Variants in TBL1X observed in about 807,000 individuals in gnomAD.
TBL1X encodes the protein F-box-like/WD repeat-containing protein TBL1X.
A neutral mutation model predicts 50.7 loss-of-function variants in TBL1X; 10 were observed. The ratio of observed to expected loss-of-function variants is 0.20; its 90% CI spans 0.12 to 0.33. The LOEUF (loss-of-function observed/expected upper bound fraction) is 0.33. Ranked by LOEUF, TBL1X falls within the 10% of genes least tolerant of loss-of-function variation. TBL1X has a pLI of 1.00. For synonymous variants in TBL1X, 190 were observed against 214.7 expected, an observed-to-expected ratio of 0.88 and a Z score of 1.01; for missense variants, 340 against 504.4, an observed-to-expected ratio of 0.67 and a Z score of 3.12.
chrX:9,705,217 C>G (rs988841621), intron 13 of TBL1X, 103 bp downstream of exon 13: 2 of 1,141,738 alleles, frequency 1.8e-6, no homozygotes, highest in African/African-American at 3.6e-5. Flanking sequence ...AGCAGACCAG[C>G]TCTAATGTGC....
At chrX:9,637,793 T>G (rs1480857252) in intron 2 of TBL1X, 1 of 111,272 alleles carries the variant, frequency 9.0e-6, no homozygotes, top group Non-Finnish European at 1.9e-5. Flanking sequence ...CTATCCTGCC[T>G]TCCTAAGGGT....
intron 2 of TBL1X, among the ~76,000 whole-genome samples, chrX:9,505,861 C>T (rs2082023238): frequency 8.9e-6 from 1 of 112,118 alleles, no homozygotes; most frequent in Non-Finnish European, 1.9e-5. Context: ...TAGGGGGAGA[C>T]TTTAACACCC....
chrX:9,666,688 C>T (rs1202932934), intron 5 of TBL1X, among the ~76,000 whole-genome samples: 2 of 111,172 alleles, frequency 1.8e-5, no homozygotes, highest in East Asian at 5.6e-4. Flanking sequence ...CCTGGGGACA[C>T]GTGGAATTAG....
intron 2 of TBL1X, among the ~76,000 whole-genome samples, chrX:9,620,639 C>G (rs1167983103): frequency 8.9e-6 from 1 of 112,010 alleles, no homozygotes; most frequent in Non-Finnish European, 1.9e-5. Flanking sequence ...GAGGCCAGCA[C>G]ATGCGAAGGC....
chrX:9,631,116 T>C (rs1243927774), intron 2 of TBL1X, among the ~76,000 whole-genome samples: 2 of 111,617 alleles, frequency 1.8e-5, no homozygotes, highest in East Asian at 5.6e-4. Flanking sequence ...CGGCCTCTTA[T>C]TTATTTTGCT....
intron 2 of TBL1X, among the ~76,000 whole-genome samples, chrX:9,525,964 T>A (rs931351376): frequency 2.7e-5 from 3 of 111,686 alleles, no homozygotes; most frequent in African/African-American, 9.8e-5. Flanking sequence ...AGCGCTATTC[T>A]TGTGTCCGGG....
At chrX:9,608,345 G>A (rs140282785) in intron 2 of TBL1X, among the ~76,000 whole-genome samples, 1 of 111,782 alleles carries the variant, frequency 8.9e-6, no homozygotes, top group African/African-American at 3.3e-5. Context: ...ATCCCCACTC[G>A]GGTGGAGGAG....
At chrX:9,550,067 C>T (rs985006302) in intron 2 of TBL1X, among the ~76,000 whole-genome samples, 10 of 111,472 alleles carry the variant, frequency 9.0e-5, no homozygotes, top group Non-Finnish European at 1.3e-4. Flanking sequence ...AGCAGTCACT[C>T]GGTGCCCGCC....
intron 2 of TBL1X, among the ~76,000 whole-genome samples, chrX:9,576,390 T>A (rs751660008): frequency 8.9e-6 from 1 of 112,344 alleles, no homozygotes; most frequent in Admixed American, 9.4e-5. Flanking sequence ...ACCACACCCA[T>A]CGGGAGAGAT....
intron 9 of TBL1X, 123 bp downstream of exon 9, chrX:9,692,377 CA>C (rs1203911746): frequency 2.3e-5 from 20 of 867,263 alleles, no homozygotes; most frequent in Non-Finnish European, 3.1e-5. Context: ...GCTCAGCCCC[CA>C]CTCTGATGGG....
intron 5 of TBL1X, among the ~76,000 whole-genome samples, chrX:9,660,026 T>C (rs988961273): frequency 3.6e-5 from 4 of 112,440 alleles, no homozygotes; most frequent in Non-Finnish European, 7.5e-5. Flanking sequence ...AACCTTCTGC[T>C]TAAAAATAGA....
chrX:9,481,871 AAGG>A (rs2081884540), intron 1 of TBL1X, among the ~76,000 whole-genome samples: 1 of 112,559 alleles, frequency 8.9e-6, no homozygotes, highest in African/African-American at 3.2e-5. Flanking sequence ...CAATTTTAAA[AAGG>A]AGCATATATG....
At position 9,716,767 on chromosome X, in the gene TBL1X, ACTTT is replaced by A. The variant is rs1262161917; in HGVS notation, c.*524_*527del. On this transcript the variant is annotated 3_prime_UTR_variant, in exon 18 of 18. Coordinates refer to ENST00000645353, the MANE Select transcript of TBL1X (RefSeq NM_005647.4). Reference sequence around the variant, plus strand: ...AAACGCGCAACTTTGTAATCCCAACACTTTCTATTTTCTAGAATCTTCTTTGTTC... The same window carrying A: ...AAACGCGCAACTTTGTAATCCCAACACTATTTTCTAGAATCTTCTTTGTTC... 2.7e-5 allele frequency: 3 copies of A among 110,778 alleles called. No homozygotes were observed. Among genetic ancestry groups the A allele is most frequent in the Non-Finnish European group, 5.7e-5 (3 of 53,012 alleles). The allele number at this position is 110,778 out of a possible 1,213,427, so 9.1% of individuals were successfully genotyped here.
At chrX:9,687,248 A>G (rs1044670919) in intron 6 of TBL1X, among the ~76,000 whole-genome samples, 2 of 112,334 alleles carry the variant, frequency 1.8e-5, no homozygotes, top group African/African-American at 6.5e-5. Context: ...ATGAATCAAA[A>G]CAAAATGATG....
chrX:9,541,151 T>C (rs1370965709), intron 2 of TBL1X, among the ~76,000 whole-genome samples: 1 of 111,854 alleles, frequency 8.9e-6, no homozygotes, highest in East Asian at 2.8e-4. Context: ...ATTGTACTAA[T>C]TTAATATTGT....
chrX:9,695,082 C>G (rs1280396299), intron 11 of TBL1X, among the ~76,000 whole-genome samples: 2 of 112,676 alleles, frequency 1.8e-5, no homozygotes, highest in African/African-American at 6.4e-5. Flanking sequence ...CTGTGGCCCA[C>G]ATAGGCCAAG....
At chrX:9,612,746 T>C (rs1362185275) in intron 2 of TBL1X, among the ~76,000 whole-genome samples, 3 of 111,391 alleles carry the variant, frequency 2.7e-5, no homozygotes, top group Non-Finnish European at 5.6e-5. Flanking sequence ...ATGGATACCC[T>C]ATTCCCTACG....
At chrX:9,499,622 C>T (rs2081989942) in intron 1 of TBL1X, among the ~76,000 whole-genome samples, 1 of 112,051 alleles carries the variant, frequency 8.9e-6, no homozygotes, top group Admixed American at 9.4e-5. Context: ...AAACGTTGGC[C>T]CCAGAAAGAA....
chrX:9,654,708 C>T (rs1222602322), intron 5 of TBL1X, among the ~76,000 whole-genome samples: 5 of 111,571 alleles, frequency 4.5e-5, no homozygotes, highest in East Asian at 5.6e-4. Flanking sequence ...CCCTACTCCC[C>T]GCCCCCTAAA....
Sources: gnomAD v4.1 joint callset for allele counts (sites outside exome capture counted in the v4.1 genomes callset) on GRCh38, gnomAD v4.1.1 for gene constraint, MANE v1.5 for transcripts, NCBI Gene and HGNC (gene_info 2026-07-23, HGNC 2026-07-21) for gene names.